SLC38A12: variants seen among roughly 807,000 people sequenced by gnomAD.
SLC38A12 encodes putative sodium-coupled neutral amino acid transporter 12.
the SLC38A12 span, chr17:74,819,924 C>A: frequency 9.3e-6 from 12 of 1,296,660 alleles, no homozygotes; most frequent in Admixed American, 1.7e-5. Context: ...CCGTGCAGGG[C>A]CCCCAGCCGT....
the SLC38A12 span, chr17:74,790,882 T>G: frequency 1.5e-6 from 2 of 1,369,680 alleles, no homozygotes; most frequent in Admixed American, 3.6e-5. Flanking sequence ...GATAATTCAG[T>G]GAGGTCCTCA....
the SLC38A12 span, among the ~76,000 whole-genome samples, chr17:74,828,595 C>G: frequency 6.6e-6 from 1 of 152,152 alleles, no homozygotes; most frequent in Non-Finnish European, 1.5e-5. Context: ...AGCTCACATC[C>G]TTATGGAGAT....
At chr17:74,779,295 C>T in the SLC38A12 span, among the ~76,000 whole-genome samples, 648 of 152,286 alleles carry the variant, frequency 4.3e-3, 5 homozygotes, top group African/African-American at 0.015. Context: ...AGCTTCAGTG[C>T]GCTCTGCCCG....
the SLC38A12 span, among the ~76,000 whole-genome samples, chr17:74,785,885 C>G: frequency 0.027 from 4,051 of 152,298 alleles, 188 homozygotes; most frequent in African/African-American, 0.093. Flanking sequence ...TATTTCTTCC[C>G]TGGCAGGTTT....
the SLC38A12 span, chr17:74,791,132 C>A: frequency 9.1e-7 from 1 of 1,103,646 alleles, no homozygotes; most frequent in Non-Finnish European, 1.3e-6. Flanking sequence ...CCCTGACAGC[C>A]AGACCATGGG....
chr17:74,792,560 C>T, the SLC38A12 span, among the ~76,000 whole-genome samples: 3 of 152,264 alleles, frequency 2.0e-5, no homozygotes, highest in African/African-American at 7.2e-5. Context: ...CCCCTTGCAA[C>T]TGTCTTCGAA....
At chr17:74,816,230 G>A in the SLC38A12 span, among the ~76,000 whole-genome samples, 5 of 152,220 alleles carry the variant, frequency 3.3e-5, no homozygotes, top group Non-Finnish European at 4.4e-5. Flanking sequence ...CCTTGCAAGA[G>A]GGCACTTCTG....
the SLC38A12 span, among the ~76,000 whole-genome samples, chr17:74,789,561 A>G: frequency 1.7e-4 from 24 of 138,986 alleles, no homozygotes; most frequent in Admixed American, 3.6e-4. Context: ...AAAAAAAAAA[A>G]GAGGCCGGGC....
chr17:74,791,085 TTC>T, the SLC38A12 span: 1 of 1,530,108 alleles, frequency 6.5e-7, no homozygotes, highest in Non-Finnish European at 9.0e-7. Context: ...GAGCTGGTGC[TTC>T]CCTGCAGGCC....
At chr17:74,800,222 C>T in the SLC38A12 span, among the ~76,000 whole-genome samples, 1 of 152,256 alleles carries the variant, frequency 6.6e-6, no homozygotes, top group Non-Finnish European at 1.5e-5. Context: ...CATGGAGCAC[C>T]TCTTCTCAGC....
At chr17:74,811,916 T>G in the SLC38A12 span, among the ~76,000 whole-genome samples, 1 of 151,832 alleles carries the variant, frequency 6.6e-6, no homozygotes, top group Admixed American at 6.6e-5. Flanking sequence ...TGTGGTGGCA[T>G]GCATTTGTAG....
chr17:74,783,231 G>A, the SLC38A12 span, among the ~76,000 whole-genome samples: 2 of 152,242 alleles, frequency 1.3e-5, no homozygotes, highest in Non-Finnish European at 2.9e-5. Flanking sequence ...AATCAGCTGG[G>A]TGTTCCCATC....
chr17:74,795,064 C>T, the SLC38A12 span: 38 of 1,614,030 alleles, frequency 2.4e-5, 1 homozygote, highest in Middle Eastern at 1.6e-4. Flanking sequence ...ATGGAGACCT[C>T]GCCATCTATG....
the SLC38A12 span, among the ~76,000 whole-genome samples, chr17:74,792,753 G>A: frequency 2.6e-5 from 4 of 152,220 alleles, no homozygotes; most frequent in Non-Finnish European, 4.4e-5. Flanking sequence ...GCCAAAGGCC[G>A]CCCTAGGGCC....
At chr17:74,777,403 T>C in the SLC38A12 span, 12 of 1,614,120 alleles carry the variant, frequency 7.4e-6, no homozygotes, top group South Asian at 1.3e-4. Context: ...AACCTTTTGC[T>C]CACTTAAGTG....
the SLC38A12 span, among the ~76,000 whole-genome samples, chr17:74,793,445 T>C: frequency 1.3e-5 from 2 of 152,224 alleles, no homozygotes; most frequent in African/African-American, 4.8e-5. Flanking sequence ...TCACCCTTGG[T>C]GGGGCTGCCT....
chr17:74,781,837 C>G, the SLC38A12 span, among the ~76,000 whole-genome samples: 1 of 152,192 alleles, frequency 6.6e-6, no homozygotes, highest in Non-Finnish European at 1.5e-5. Context: ...CTGACTGCAG[C>G]CTCTTCCAGC....
chr17:74,784,708 A>C, the SLC38A12 span, among the ~76,000 whole-genome samples: 5 of 152,156 alleles, frequency 3.3e-5, no homozygotes, highest in Non-Finnish European at 7.4e-5. Context: ...GATCTTAGAA[A>C]GGGAATCATT....
chr17:74,805,273 G>A, the SLC38A12 span, among the ~76,000 whole-genome samples: 1 of 152,218 alleles, frequency 6.6e-6, no homozygotes, highest in South Asian at 2.1e-4. This position sits in a 1 kb window ranked among gnomAD's most constrained non-coding sequence, Gnocchi z 5.0. Flanking sequence ...GAGGGGCTGG[G>A]CAACCTACAG....
Sources: gnomAD v4.1 joint callset for allele counts (sites outside exome capture counted in the v4.1 genomes callset) on GRCh38, gnomAD v4.1.1 for gene constraint, Gnocchi (gnomAD v3.1) non-coding constraint, MANE v1.5 for transcripts, NCBI Gene and HGNC (gene_info 2026-07-23, HGNC 2026-07-21) for gene names.